Variants in ROBO1 observed in about 807,000 individuals in gnomAD.
ROBO1 encodes roundabout homolog 1.
In ROBO1, 149 loss-of-function variants were observed where a neutral mutation model predicts 195.9. The ratio of observed to expected loss-of-function variants is 0.76; its 90% CI spans 0.67 to 0.87. The LOEUF (loss-of-function observed/expected upper bound fraction) is 0.87. Ranked by LOEUF, ROBO1 falls within the 40% of genes least tolerant of loss-of-function variation. ROBO1 has a pLI of 0.00. For missense variants in ROBO1, 1,933 were observed against 2,068.3 expected, an observed-to-expected ratio of 0.93 and a Z score of 1.27; for synonymous variants, 816 against 733.2, an observed-to-expected ratio of 1.11 and a Z score of -1.82.
At chr3:78,963,507 T>G (rs867623893) in intron 3 of ROBO1, among the ~76,000 whole-genome samples, 1 of 121,824 alleles carries the variant, frequency 8.2e-6, no homozygotes, top group Non-Finnish European at 1.8e-5. Flanking sequence ...TTTTTTTTTT[T>G]TTTTTTTTTT....
Position 79,338,735 on chromosome 3 carries a change from A to G in ROBO1, c.89-213196T>C, listed in dbSNP as rs560873023. On this transcript the variant is annotated intron_variant, in intron 2 of 30. Coordinates refer to ENST00000464233, the MANE Select transcript of ROBO1 (RefSeq NM_002941.4). ...AAAAAAACCTTCGGATCTTTTTTCT[A>G]TCTCTATACTCTCTAGCTTGGCTAT... Among the ~76,000 whole-genome samples, 12 of 151,870 alleles carry G rather than the reference A, an allele frequency of 7.9e-5. No homozygotes were observed. The East Asian group carries it at 1.4e-3, about 17-fold the overall frequency.
intron 3 of ROBO1, among the ~76,000 whole-genome samples, chr3:78,982,644 T>G (rs2107997114): frequency 6.6e-6 from 1 of 152,280 alleles, no homozygotes; most frequent in Non-Finnish European, 1.5e-5. Context: ...CTTTTTTTTC[T>G]TCAAGATGGA....
intron 2 of ROBO1, among the ~76,000 whole-genome samples, chr3:79,500,968 C>G (rs1025618369): frequency 6.6e-6 from 1 of 152,094 alleles, no homozygotes; most frequent in Admixed American, 6.6e-5. Context: ...TTTCCTCCCC[C>G]ACCATCACTC....
chr3:79,495,021 G>GTAGATAGATAGA (rs148968468), intron 2 of ROBO1, among the ~76,000 whole-genome samples: 1 of 151,302 alleles, frequency 6.6e-6, no homozygotes, highest in Non-Finnish European at 1.5e-5. Context: ...TGACAGATAG[G>GTAGATAGATAGA]TAGATAGATA....
chr3:78,614,124 G>T (rs3773195), intron 28 of ROBO1, among the ~76,000 whole-genome samples: 1 of 151,968 alleles, frequency 6.6e-6, no homozygotes, highest in Non-Finnish European at 1.5e-5. Flanking sequence ...GAATATGAAC[G>T]TTACCTCTTC....
intron 2 of ROBO1, among the ~76,000 whole-genome samples, chr3:79,515,507 C>T (rs1940907137): frequency 6.6e-6 from 1 of 152,236 alleles, no homozygotes; most frequent in South Asian, 2.1e-4. Flanking sequence ...AGCAGACGTT[C>T]CTTTAACTGT....
In ROBO1 at chr3:78,891,361, T is replaced by A. The variant is rs540753540; in HGVS notation, c.499+47240A>T. 7.4e-5 allele frequency among the ~76,000 whole-genome samples: 11 copies of A among 149,146 alleles called. No homozygotes were observed. In the South Asian group the frequency reaches 1.5e-3, roughly 20 times the overall value. On this transcript the variant is annotated intron_variant, in intron 4 of 30. Transcript: ENST00000464233. The stretch of plus-strand genomic sequence containing the variant: ...GGCCAATACGCACATTTAAAAAAAA[T>A]TCAACATCATGAAGCATCATGGAAA...
At chr3:79,426,298 T>A (rs1307536905) in intron 2 of ROBO1, among the ~76,000 whole-genome samples, 1 of 152,178 alleles carries the variant, frequency 6.6e-6, no homozygotes, top group Non-Finnish European at 1.5e-5. Context: ...CCAGGTCCCT[T>A]AGAAACTGAC....
At chr3:78,818,118 C>T (rs1027129703) in intron 4 of ROBO1, among the ~76,000 whole-genome samples, 4 of 152,182 alleles carry the variant, frequency 2.6e-5, no homozygotes. Context: ...CTTTCTCCTA[C>T]CTCTCCTCCC....
intron 2 of ROBO1, among the ~76,000 whole-genome samples, chr3:79,316,707 T>G (rs1476350269): frequency 6.6e-6 from 1 of 152,062 alleles, no homozygotes; most frequent in Non-Finnish European, 1.5e-5. Context: ...AAATGTCAGA[T>G]AGTACCAAGT....
chr3:78,637,082 TTATTTTATGCATGTTGTCCAAAAGTGG>T, intron 22 of ROBO1, among the ~76,000 whole-genome samples: 1 of 125,992 alleles, frequency 7.9e-6, no homozygotes, highest in African/African-American at 4.0e-5. Context: ...AAAAATGTCA[TTATTTTATGCATGTTGTCCAAAAGTGG>T]TACCAACATT....
intron 1 of ROBO1, among the ~76,000 whole-genome samples, chr3:79,699,297 T>C (rs1947541473): frequency 1.3e-5 from 2 of 151,374 alleles, no homozygotes; most frequent in African/African-American, 4.8e-5. Context: ...CATGATATGT[T>C]ACTAAACAAC....
chr3:79,537,384 A>G (rs914067146), intron 2 of ROBO1, among the ~76,000 whole-genome samples: 1 of 152,134 alleles, frequency 6.6e-6, no homozygotes, highest in African/African-American at 2.4e-5. Flanking sequence ...TCTGGAGCTC[A>G]GTCTTGCTGG....
At chr3:78,791,032 G>T (rs2084003116) in intron 4 of ROBO1, among the ~76,000 whole-genome samples, 1 of 152,164 alleles carries the variant, frequency 6.6e-6, no homozygotes, top group Non-Finnish European at 1.5e-5. Context: ...ATTTACCCTA[G>T]AGCTAGCGAG....
chr3:79,549,549 A>T (rs914161149), intron 2 of ROBO1, among the ~76,000 whole-genome samples: 4 of 152,132 alleles, frequency 2.6e-5, no homozygotes, highest in African/African-American at 7.2e-5. Flanking sequence ...CCCTGTCATT[A>T]TCCCAAAAGA....
At chr3:79,452,158 T>C (rs1307101926) in intron 2 of ROBO1, among the ~76,000 whole-genome samples, 1 of 152,128 alleles carries the variant, frequency 6.6e-6, no homozygotes, top group Non-Finnish European at 1.5e-5. Flanking sequence ...CCAATTTATT[T>C]TCCATAACTG....
At chr3:79,105,730 C>G (rs542956881) in intron 3 of ROBO1, among the ~76,000 whole-genome samples, 1 of 151,468 alleles carries the variant, frequency 6.6e-6, no homozygotes, top group East Asian at 1.9e-4. Flanking sequence ...TGAAAAAATC[C>G]TTAGTGTCAT....
intron 4 of ROBO1, among the ~76,000 whole-genome samples, chr3:78,756,813 G>A (rs2082944685): frequency 6.6e-6 from 1 of 152,138 alleles, no homozygotes. Flanking sequence ...CTGAAGAAAA[G>A]GCTCAAAAGT....
chr3:78,767,466 A>G (rs1245052397), intron 4 of ROBO1, among the ~76,000 whole-genome samples: 1 of 152,024 alleles, frequency 6.6e-6, no homozygotes, highest in Non-Finnish European at 1.5e-5. Context: ...AGGTTTCACC[A>G]TGTTGACCAG....
Sources: gnomAD v4.1 joint callset for allele counts (sites outside exome capture counted in the v4.1 genomes callset) on GRCh38, gnomAD v4.1.1 for gene constraint, MANE v1.5 for transcripts, NCBI Gene and HGNC (gene_info 2026-07-23, HGNC 2026-07-21) for gene names.